FBLN1: variants seen among roughly 807,000 people sequenced by gnomAD.
The protein encoded by FBLN1 is fibulin-1.
In FBLN1, 34 loss-of-function variants were observed where a neutral mutation model predicts 89.7. That is an observed-to-expected ratio of 0.38 (90% CI 0.29 to 0.50). The LOEUF (loss-of-function observed/expected upper bound fraction) is 0.50, where lower values mean the gene tolerates loss of function less well. Ranked by LOEUF, FBLN1 falls within the 20% of genes least tolerant of loss-of-function variation. The pLI, the probability that FBLN1 is intolerant of heterozygous loss-of-function variation, is 0.92. For missense variants in FBLN1, 777 were observed against 988.1 expected (o/e 0.79, Z 2.86); for synonymous variants, 393 against 391.3 (o/e 1.00, Z -0.05).
At chr22:45,594,464 C>T (rs867651856) in intron 16 of FBLN1, among the ~76,000 whole-genome samples, 1 of 152,234 alleles carries the variant, frequency 6.6e-6, no homozygotes, top group South Asian at 2.1e-4. Context: ...CTTCCTGCTT[C>T]CTTGGCTCAT....
rs2089014353 is a variant in FBLN1, at chr22:45,578,229, C to G, written c.1972+1121C>G. ...GGACGCTCAGTCTTTGCGCCTCAAA[C>G]CCGACGGTTGTTAAAACTGGCAGCT... On this transcript the variant is annotated intron_variant, in intron 16 of 16. Coordinates refer to ENST00000327858, the MANE Select transcript of FBLN1 (RefSeq NM_006486.3). The surrounding 1 kb of genome is among the most constrained non-coding windows in gnomAD (Gnocchi z 4.6). 6.6e-6 allele frequency: 1 copy of G among 152,224 alleles called. No homozygotes were observed. The highest frequency in any genetic ancestry group is 1.5e-5 in the Non-Finnish European group (1 of 68,034). The allele number at this position is 152,224 out of a possible 1,614,324, so 9.4% of individuals were successfully genotyped here.
chr22:45,548,591 G>T, intron 12 of FBLN1, 22 bp from the exon 13 acceptor site: 1 of 1,613,356 alleles, frequency 6.2e-7, no homozygotes, highest in Non-Finnish European at 8.5e-7. Context: ...CACTGAGGCT[G>T]AGGTGGGCTT....
chr22:45,596,844 A>C (rs2089191671), intron 16 of FBLN1, among the ~76,000 whole-genome samples: 1 of 139,722 alleles, frequency 7.2e-6, no homozygotes, highest in African/African-American at 2.9e-5. Flanking sequence ...ATAAATTTAT[A>C]TGTAAATTTA....
intron 12 of FBLN1, 40 bp from the exon 13 acceptor site, chr22:45,548,560 AGCCATGGCCAGGT>A (rs1265427181): frequency 1.1e-5 from 18 of 1,608,044 alleles, no homozygotes; most frequent in Non-Finnish European, 1.1e-5. Context: ...CATGGCCAGC[AGCCATGGCCAGGT>A]GCCAGGACAC....
intron 16 of FBLN1, among the ~76,000 whole-genome samples, chr22:45,586,279 G>A (rs1429375179): frequency 2.0e-5 from 3 of 152,196 alleles, no homozygotes; most frequent in Non-Finnish European, 2.9e-5. Context: ...AGGAAGGGTC[G>A]GCGGGGTACA....
At chr22:45,592,899 G>A (rs1473690380) in intron 16 of FBLN1, among the ~76,000 whole-genome samples, 2 of 152,124 alleles carry the variant, frequency 1.3e-5, no homozygotes, top group Non-Finnish European at 2.9e-5. Flanking sequence ...AATTTCCACT[G>A]GTATGAGATA....
chr22:45,523,658 C>G (rs191474707), intron 2 of FBLN1, among the ~76,000 whole-genome samples: 18 of 152,082 alleles, frequency 1.2e-4, no homozygotes, highest in Non-Finnish European at 2.4e-4. Flanking sequence ...GAGCCCTGAT[C>G]GCAACATTGC....
chr22:45,502,900 G>C lies in FBLN1; in HGVS notation c.-86G>C. ...GGCCCAGCGTTGGCTGCCGAGGCTC[G>C]GCCGGAGCGTGGAGCCCGCGCCGCT... On this transcript the variant is annotated 5_prime_UTR_variant, in exon 1 of 17. Transcript: ENST00000327858. 1 of 482,662 alleles carries C rather than the reference G, an allele frequency of 2.1e-6. No individual in the cohort carries two copies. Among genetic ancestry groups the C allele is most frequent in the Non-Finnish European group, 2.7e-6 (1 of 364,178 alleles). 29.9% of individuals were successfully genotyped at this position (482,662 alleles called of 1,614,324 possible).
chr22:45,559,325 A>G (rs1349986454), intron 14 of FBLN1, among the ~76,000 whole-genome samples: 13 of 152,138 alleles, frequency 8.5e-5, no homozygotes, highest in Admixed American at 7.9e-4. Flanking sequence ...CACAGGCCAA[A>G]TGGGAGAGTT....
In FBLN1 at chr22:45,531,332, TCGGG is replaced by T. The variant is rs752170513; in HGVS notation, c.544+11_544+14del. On this transcript the variant is annotated intron_variant, in intron 5 of 16. Transcript: ENST00000327858. This position sits in a 1 kb window ranked among gnomAD's most constrained non-coding sequence, Gnocchi z 4.9. ...TGAATGACCGCTGCCGAGGTGAGAC[TCGGG>T]CGTCTCCCATCAGTTGGTATTTAAA... The T allele has an allele frequency of 6.2e-6, 10 of 1,613,132 alleles. No individual in the cohort carries two copies. Among genetic ancestry groups the T allele is most frequent in the Non-Finnish European group, 8.5e-6 (10 of 1,179,204 alleles).
intron 1 of FBLN1, among the ~76,000 whole-genome samples, chr22:45,507,662 C>T (rs1303779534): frequency 4.6e-5 from 7 of 152,010 alleles, no homozygotes; most frequent in Non-Finnish European, 2.9e-5. Flanking sequence ...TGAGTAGCTG[C>T]GACTACAGGC....
At chr22:45,548,391 CT>C (rs2088658228) in intron 12 of FBLN1, among the ~76,000 whole-genome samples, 3 of 152,314 alleles carry the variant, frequency 2.0e-5, no homozygotes, top group Admixed American at 6.5e-5. Flanking sequence ...ATATTTCCCC[CT>C]GCCCGCCACA....
At chr22:45,552,986 G>T (rs897418776) in intron 14 of FBLN1, among the ~76,000 whole-genome samples, 1 of 152,236 alleles carries the variant, frequency 6.6e-6, no homozygotes, top group Non-Finnish European at 1.5e-5. Context: ...CTTGGTTGCC[G>T]CTTCCCGGGG....
At chr22:45,507,789 A>G (rs1291775670) in intron 1 of FBLN1, among the ~76,000 whole-genome samples, 1 of 152,122 alleles carries the variant, frequency 6.6e-6, no homozygotes, top group Non-Finnish European at 1.5e-5. Flanking sequence ...CGGCCTCCCA[A>G]AGTGTTGGGA....
chr22:45,574,777 CTTTTTTTT>C lies in FBLN1; in HGVS notation c.1840+139_1840+146del, dbSNP rs756869112. ...CCCAGGCTTTGAAATGCAGAACTTT[CTTTTTTTT>C]TTTTTTTTTTTTTTGAGACGGAGTC... is the stretch of plus-strand genomic sequence containing the variant. On this transcript the variant is annotated intron_variant, in intron 15 of 16. Transcript: ENST00000327858. The surrounding 1 kb of genome is among the most constrained non-coding windows in gnomAD (Gnocchi z 4.1). 6 of 451,990 alleles carry C rather than the reference CTTTTTTTT, an allele frequency of 1.3e-5. No homozygotes were observed. The highest frequency in any genetic ancestry group is 4.0e-5 in the Admixed American group (1 of 25,254). 28.0% of individuals were successfully genotyped at this position (451,990 alleles called of 1,614,324 possible). A position where few individuals can be genotyped will look rare whatever the true frequency, so the allele number is the denominator to read the frequency against.
Position 45,503,047 on chromosome 22 carries a change from C to T in FBLN1, c.62C>T (p.Ala21Val), listed in dbSNP as rs573558018. Residue 21 changes from alanine to valine, a missense_variant, in exon 1 of 17, where the codon GCG becomes GTG. Coordinates refer to ENST00000327858, the MANE Select transcript of FBLN1 (RefSeq NM_006486.3). The stretch of plus-strand genomic sequence containing the variant: ...CCGCTGCTGCTGCTCGGCGGCCTTG[C>T]GCTGCTGGCGGCCGGAGGTAGGGGC... ...PLPLLLLGGL[A>V]LLAAGVDADV... is the part of the protein sequence containing the mutation. 581 of 1,249,902 alleles carry T rather than the reference C, an allele frequency of 4.6e-4. 3 individuals are homozygous for T. The African/African-American group carries it at 7.8e-3, about 17-fold the overall frequency. 77.4% of individuals were successfully genotyped at this position (1,249,902 alleles called of 1,614,324 possible).
At chr22:45,558,236 T>C in intron 14 of FBLN1, 1 of 553,590 alleles carries the variant, frequency 1.8e-6, no homozygotes, top group Admixed American at 2.7e-5. Context: ...TTCCATTTGA[T>C]GATGGAATGC....
At chr22:45,565,227 C>T (rs2088892441) in intron 14 of FBLN1, 7 of 1,452,798 alleles carry the variant, frequency 4.8e-6, no homozygotes, top group African/African-American at 2.8e-5. Context: ...GTCTGAGCTT[C>T]CTTAGAACCT....
chr22:45,580,787 C>T lies in FBLN1; in HGVS notation c.1972+3679C>T, dbSNP rs189584370. On this transcript the variant is annotated intron_variant, in intron 16 of 16. Coordinates refer to ENST00000327858, the MANE Select transcript of FBLN1 (RefSeq NM_006486.3). The surrounding 1 kb of genome is among the most constrained non-coding windows in gnomAD (Gnocchi z 8.6). ...GCCGTGTTCAGTCCTCCCAGAGTAACAGAAGAAGAGGGAGAAATGCCCCGA... is the reference window on the plus strand; with the variant it reads ...GCCGTGTTCAGTCCTCCCAGAGTAATAGAAGAAGAGGGAGAAATGCCCCGA... Among the ~76,000 whole-genome samples, 3 of 152,244 alleles carry T rather than the reference C, an allele frequency of 2.0e-5. No individual in the cohort carries two copies. The East Asian group carries it at 5.8e-4, about 30-fold the overall frequency.
Sources: gnomAD v4.1 joint callset for allele counts (sites outside exome capture counted in the v4.1 genomes callset) on GRCh38, gnomAD v4.1.1 for gene constraint, Gnocchi (gnomAD v3.1) non-coding constraint, MANE v1.5 for transcripts, NCBI Gene and HGNC (gene_info 2026-07-23, HGNC 2026-07-21) for gene names.